FRMD3: variants seen among roughly 807,000 people sequenced by gnomAD.
FRMD3 encodes the protein FERM domain-containing protein 3.
FRMD3 carries 33 observed loss-of-function variants against 70.2 expected under a neutral mutation model. That is an observed-to-expected ratio of 0.47 (90% CI 0.36 to 0.63). The LOEUF (loss-of-function observed/expected upper bound fraction) is 0.63. Among genes scored for constraint, FRMD3 ranks in the 20% least tolerant of loss-of-function variants. The pLI is 0.00. For missense variants in FRMD3, 632 were observed against 711.4 expected (o/e 0.89, Z 1.27); for synonymous variants, 279 against 255.9 (o/e 1.09, Z -0.86).
At position 83,357,235 on chromosome 9, in the gene FRMD3, TATAATACA is replaced by T. The variant is rs1564032359; in HGVS notation, c.296-7486_296-7479del. 6.0e-4 allele frequency among the ~76,000 whole-genome samples: 8 copies of T among 13,340 alleles called. 2 individuals are homozygous for T. The highest frequency in any genetic ancestry group is 3.0e-3 in the African/African-American group (8 of 2,674). The allele number at this position is 13,340 out of a possible 152,430, so 8.8% of individuals were successfully genotyped here. On this transcript the variant is annotated intron_variant, in intron 3 of 13. Transcript: ENST00000304195. ...ATGGAATATATATATTTTATATATATATAATACATACATATATATATATATATATATAT... is the reference window on the plus strand; with the variant it reads ...ATGGAATATATATATTTTATATATATTACATATATATATATATATATATAT...
intron 5 of FRMD3, among the ~76,000 whole-genome samples, chr9:83,336,170 T>G (rs1396850305): frequency 6.6e-6 from 1 of 152,096 alleles, no homozygotes; most frequent in East Asian, 1.9e-4. Context: ...TAAAAATCCC[T>G]GAGAGGGTAG....
chr9:83,484,085 C>CT lies in FRMD3; in HGVS notation c.147+53999dup, dbSNP rs748001395. ...AGAGCTTAAGGATAGGTGTTTATTC[C>CT]TTAAAAGAATACATTTAAAGGCCAA... On this transcript the variant is annotated intron_variant, in intron 1 of 13. Transcript: ENST00000304195. Among the ~76,000 whole-genome samples, 19 of 152,074 alleles carry CT rather than the reference C, an allele frequency of 1.2e-4. 1 individual carries two copies. Among genetic ancestry groups the CT allele is most frequent in the Non-Finnish European group, 2.9e-5 (2 of 67,990 alleles).
At chr9:83,426,411 A>G (rs1235480283) in intron 1 of FRMD3, among the ~76,000 whole-genome samples, 1 of 152,270 alleles carries the variant, frequency 6.6e-6, no homozygotes, top group African/African-American at 2.4e-5. Context: ...ATGGACAGAC[A>G]AGGCAGTTAT....
Position 83,537,993 on chromosome 9 carries a change from G to C in FRMD3, c.147+92C>G. The C allele has an allele frequency of 7.0e-7, 1 of 1,421,400 alleles. No homozygotes were observed. 88.0% of individuals were successfully genotyped at this position (1,421,400 alleles called of 1,614,324 possible). A position where few individuals can be genotyped will look rare whatever the true frequency, so the allele number is the denominator to read the frequency against. ...CTAGCAGTCCCCCAATCCCCTCCGG[G>C]AGTGGGTTCCTTGTTCTCGCATGCC... On this transcript the variant is annotated intron_variant, in intron 1 of 13. Transcript: ENST00000304195. The surrounding 1 kb of genome is among the most constrained non-coding windows in gnomAD (Gnocchi z 4.1).
At chr9:83,543,919 G>A in the FRMD3 span, among the ~76,000 whole-genome samples, 15 of 152,212 alleles carry the variant, frequency 9.9e-5, no homozygotes, top group South Asian at 1.9e-3. Flanking sequence ...CCTACTCCCC[G>A]CATAGCTGCT....
chr9:83,574,329 C>A, the FRMD3 span, among the ~76,000 whole-genome samples: 1 of 152,062 alleles, frequency 6.6e-6, no homozygotes, highest in Non-Finnish European at 1.5e-5. Context: ...GGAGGAAAAA[C>A]AAAATAACTA....
chr9:83,267,102 T>C (rs1833300137), intron 13 of FRMD3: 13 of 1,550,758 alleles, frequency 8.4e-6, no homozygotes, highest in African/African-American at 2.7e-5. Context: ...AATTGGAGGC[T>C]TCGTCGAGTC....
chr9:83,317,106 G>A (rs1229408270), intron 6 of FRMD3, among the ~76,000 whole-genome samples: 1 of 151,528 alleles, frequency 6.6e-6, no homozygotes, highest in Non-Finnish European at 1.5e-5. Context: ...CAGCCTGGGT[G>A]GCAGAGCAAG....
intron 1 of FRMD3, among the ~76,000 whole-genome samples, chr9:83,418,433 A>G (rs1826521385): frequency 6.6e-6 from 1 of 152,192 alleles, no homozygotes; most frequent in Admixed American, 6.5e-5. Flanking sequence ...CACCAAGAAA[A>G]AAACAAATAA....
chr9:83,447,558 G>A (rs1297807607), intron 1 of FRMD3, among the ~76,000 whole-genome samples: 1 of 150,218 alleles, frequency 6.7e-6, no homozygotes, highest in East Asian at 2.0e-4. Flanking sequence ...TTCTGTCATG[G>A]GGGCAGTGAG....
intron 1 of FRMD3, among the ~76,000 whole-genome samples, chr9:83,481,126 G>C (rs2131478263): frequency 6.6e-6 from 1 of 152,344 alleles, no homozygotes; most frequent in African/African-American, 2.4e-5. Flanking sequence ...CTGGTAGAAG[G>C]AAGCAAGAAG....
chr9:83,262,849 G>C (rs1171970390), intron 13 of FRMD3, among the ~76,000 whole-genome samples: 2 of 152,104 alleles, frequency 1.3e-5, no homozygotes, highest in Non-Finnish European at 2.9e-5. Context: ...TACTTATCTG[G>C]TACTTTTCAT....
intron 6 of FRMD3, among the ~76,000 whole-genome samples, chr9:83,321,049 T>C (rs76419789): frequency 0.013 from 1,989 of 152,326 alleles, 33 homozygotes; most frequent in African/African-American, 0.044. Flanking sequence ...TTTTCACTTC[T>C]GATTGTGTTA....
intron 2 of FRMD3, among the ~76,000 whole-genome samples, chr9:83,378,265 T>TTG (rs1554695651): frequency 1.4e-5 from 2 of 141,200 alleles, no homozygotes; most frequent in African/African-American, 2.8e-5. Context: ...TTTTTTGTTT[T>TTG]TTTTGTTTTT....
intron 1 of FRMD3, among the ~76,000 whole-genome samples, chr9:83,501,524 G>A (rs893737516): frequency 2.0e-5 from 3 of 152,108 alleles, no homozygotes; most frequent in African/African-American, 4.8e-5. Flanking sequence ...AAAGCCAGGG[G>A]ATATAATTTG....
chr9:83,290,880 A>C (rs1365469470), intron 12 of FRMD3, among the ~76,000 whole-genome samples, 153 bp from the exon 13 acceptor site: 2 of 152,176 alleles, frequency 1.3e-5, no homozygotes, highest in Non-Finnish European at 2.9e-5. Context: ...CGTAACATTC[A>C]AGATAAATGG....
chr9:83,359,559 C>T (rs1050854393), intron 3 of FRMD3, among the ~76,000 whole-genome samples: 6 of 152,098 alleles, frequency 3.9e-5, no homozygotes, highest in Admixed American at 6.5e-5. Context: ...TCTGTCTCAA[C>T]GACTCCACCC....
Position 83,268,797 on chromosome 9 carries a change from G to A in FRMD3, c.1196-20281C>T, listed in dbSNP as rs369569460. Among the ~76,000 whole-genome samples, 42 of 152,240 alleles carry A rather than the reference G, an allele frequency of 2.8e-4. No individual in the cohort carries two copies. The Middle Eastern group carries it at 0.01, about 37-fold the overall frequency. ...GGCCCCCCACTCCCCTCTCCTGGGT[G>A]AGCAGCCTCCAGTGTGGCAGAGGAG... On this transcript the variant is annotated intron_variant, in intron 13 of 13. Transcript: ENST00000304195.
intron 10 of FRMD3, among the ~76,000 whole-genome samples, chr9:83,307,547 G>A (rs1450709647): frequency 6.6e-6 from 1 of 152,158 alleles, no homozygotes; most frequent in African/African-American, 2.4e-5. Context: ...TGTGACAACA[G>A]GCACAAATGG....
Sources: allele counts gnomAD v4.1 joint callset (sites outside exome capture counted in the v4.1 genomes callset), GRCh38; gene constraint gnomAD v4.1.1; non-coding constraint Gnocchi (gnomAD v3.1); transcripts MANE v1.5; gene names NCBI Gene and HGNC (gene_info 2026-07-23, HGNC 2026-07-21).